The following WWP2 variants were observed in gnomAD, a reference collection of about 807,000 sequenced individuals.
WWP2 encodes NEDD4-like E3 ubiquitin-protein ligase WWP2.
Under a neutral mutation model 121.0 loss-of-function variants are expected in WWP2, and 57 were observed. The observed-to-expected ratio is 0.47, with a 90% CI of 0.38 to 0.59. The LOEUF (loss-of-function observed/expected upper bound fraction) is 0.59. WWP2 is among the 20% of genes least tolerant of loss of function. WWP2 has a pLI of 0.00. For missense variants in WWP2, 962 were observed against 1,158.9 expected (o/e 0.83, Z 2.47); for synonymous variants, 449 against 441.3 (o/e 1.02, Z -0.22).
At chr16:69,765,649 CCCCATCTCTA>C (rs1364987858) in intron 1 of WWP2, among the ~76,000 whole-genome samples, 2 of 152,264 alleles carry the variant, frequency 1.3e-5, no homozygotes, top group Non-Finnish European at 2.9e-5. Flanking sequence ...CATGGTGAAA[CCCCATCTCTA>C]CCCAAAATAC....
chr16:69,886,130 T>G (rs2057920083), intron 7 of WWP2, among the ~76,000 whole-genome samples: 1 of 152,204 alleles, frequency 6.6e-6, no homozygotes, highest in Non-Finnish European at 1.5e-5. Context: ...TCACCTAGGC[T>G]GGGTTGCAGT....
At chr16:69,921,401 C>T (rs1014413070) in intron 10 of WWP2, among the ~76,000 whole-genome samples, 2 of 152,226 alleles carry the variant, frequency 1.3e-5, no homozygotes, top group African/African-American at 4.8e-5. Flanking sequence ...CAACTGAGAC[C>T]TTGTTCTTCT....
intron 2 of WWP2, among the ~76,000 whole-genome samples, chr16:69,792,488 A>G (rs1353511604): frequency 6.6e-6 from 1 of 152,202 alleles, no homozygotes; most frequent in Non-Finnish European, 1.5e-5. Context: ...GACTTTCTAG[A>G]TAAACTTGCT....
In WWP2 at chr16:69,799,115, T is replaced by C; in HGVS notation, c.219-59T>C. Reference sequence around the variant, plus strand: ...TGTCAGCAGTTTAGTTTAAATGTTTTCTTCTAAGTTATAGGAATGATCTGC... The same window carrying C: ...TGTCAGCAGTTTAGTTTAAATGTTTCCTTCTAAGTTATAGGAATGATCTGC... On this transcript the variant is annotated intron_variant, in intron 3 of 23. Coordinates refer to ENST00000359154, the MANE Select transcript of WWP2 (RefSeq NM_001270454.2). The surrounding 1 kb of genome is among the most constrained non-coding windows in gnomAD (Gnocchi z 4.5). The C allele has an allele frequency of 5.1e-6, 8 of 1,557,568 alleles. No individual in the cohort carries two copies. Among genetic ancestry groups the C allele is most frequent in the Non-Finnish European group, 6.9e-6 (8 of 1,153,794 alleles).
Position 69,925,057 on chromosome 16 carries a change from G to C in WWP2, c.1180-373G>C, listed in dbSNP as rs1188474990. 4.9e-6 allele frequency: 5 copies of C among 1,015,584 alleles called. No individual in the cohort carries two copies. The African/African-American group carries it at 6.8e-5, about 14-fold the overall frequency. The allele number at this position is 1,015,584 out of a possible 1,614,324, so 62.9% of individuals were successfully genotyped here. Reference sequence around the variant, plus strand: ...TGATTTCAGTCGCCTTGGCCGCCTTGAGCCGGAGCTGAGCGGAGGCACTGG... The same window carrying C: ...TGATTTCAGTCGCCTTGGCCGCCTTCAGCCGGAGCTGAGCGGAGGCACTGG... On this transcript the variant is annotated intron_variant, in intron 10 of 23. Transcript: ENST00000359154. The surrounding 1 kb of genome is among the most constrained non-coding windows in gnomAD (Gnocchi z 4.0).
At chr16:69,901,745 G>A (rs1190579255) in intron 8 of WWP2, among the ~76,000 whole-genome samples, 1 of 152,160 alleles carries the variant, frequency 6.6e-6, no homozygotes, top group African/African-American at 2.4e-5. Flanking sequence ...TACCAAGACT[G>A]AAATTTTGAC....
chr16:69,805,507 C>T (rs2056256856), intron 4 of WWP2, among the ~76,000 whole-genome samples: 1 of 151,944 alleles, frequency 6.6e-6, no homozygotes, highest in South Asian at 2.1e-4. Flanking sequence ...TATTAGTAAC[C>T]TTTTTGCTTT....
chr16:69,809,453 T>C (rs1052689173), intron 4 of WWP2, among the ~76,000 whole-genome samples: 2 of 152,118 alleles, frequency 1.3e-5, no homozygotes, highest in Non-Finnish European at 2.9e-5. Flanking sequence ...GAGGGAATTC[T>C]AGGATGAGAC....
intron 1 of WWP2, among the ~76,000 whole-genome samples, chr16:69,764,795 A>G (rs2038693422): frequency 6.6e-6 from 1 of 152,254 alleles, no homozygotes; most frequent in African/African-American, 2.4e-5. Flanking sequence ...TTGAAGACTT[A>G]GCATGAAGAA....
At chr16:69,801,361 A>G (rs2056162797) in intron 4 of WWP2, among the ~76,000 whole-genome samples, 2 of 150,594 alleles carry the variant, frequency 1.3e-5, no homozygotes, top group Non-Finnish European at 3.0e-5. Context: ...CCCCACCCCT[A>G]GTAGCTGGGA....
chr16:69,858,275 A>G (rs2057355112), intron 6 of WWP2, among the ~76,000 whole-genome samples: 1 of 151,912 alleles, frequency 6.6e-6, no homozygotes, highest in Non-Finnish European at 1.5e-5. Context: ...TGAAGCTTTC[A>G]CTCAAACACC....
intron 10 of WWP2, among the ~76,000 whole-genome samples, chr16:69,918,867 G>A (rs1442477407): frequency 1.5e-5 from 2 of 129,096 alleles, no homozygotes; most frequent in South Asian, 2.4e-4. Flanking sequence ...TTTTTGAGAT[G>A]GAGTCTTGCT....
At chr16:69,804,952 T>C (rs1167707518) in intron 4 of WWP2, among the ~76,000 whole-genome samples, 2 of 152,184 alleles carry the variant, frequency 1.3e-5, no homozygotes, top group African/African-American at 4.8e-5. Flanking sequence ...TGTTGGTAAA[T>C]GGCTGTTTCT....
At chr16:69,821,598 C>T (rs2056593545) in intron 4 of WWP2, among the ~76,000 whole-genome samples, 1 of 152,198 alleles carries the variant, frequency 6.6e-6, no homozygotes, top group African/African-American at 2.4e-5. Flanking sequence ...TGATTCTGCT[C>T]CAAATGCTGA....
At chr16:69,857,876 T>C (rs2057347358) in intron 6 of WWP2, among the ~76,000 whole-genome samples, 1 of 151,878 alleles carries the variant, frequency 6.6e-6, no homozygotes, top group Admixed American at 6.6e-5. Flanking sequence ...TGTTGCCTAG[T>C]CTGGTCTTGG....
At chr16:69,817,233 A>G (rs1431183334) in intron 4 of WWP2, among the ~76,000 whole-genome samples, 1 of 152,114 alleles carries the variant, frequency 6.6e-6, no homozygotes, top group Admixed American at 6.6e-5. Context: ...TTTAATGGCT[A>G]CAGTAATGGG....
intron 6 of WWP2, among the ~76,000 whole-genome samples, chr16:69,843,285 G>A (rs575122291): frequency 2.1e-4 from 32 of 151,938 alleles, no homozygotes; most frequent in African/African-American, 7.5e-4. Context: ...CTTGTTATAC[G>A]TATTACAAAT....
rs915987525 is a variant in WWP2 at position 69,893,503 on chromosome 16, C to T, written c.914+5254C>T. ...TGAGCCTAATGCTGTCATTCACTGG[C>T]TTGACTGGCTTTGGGTTCAAATATG... On this transcript the variant is annotated intron_variant, in intron 8 of 23. Transcript: ENST00000359154. Among the ~76,000 whole-genome samples, 4 of 152,166 alleles carry T rather than the reference C, an allele frequency of 2.6e-5. No homozygotes were observed. The East Asian group carries it at 7.7e-4, about 29-fold the overall frequency.
chr16:69,785,930 C>T lies in WWP2; in HGVS notation c.-15-1066C>T, dbSNP rs527681448. 5 of 151,398 alleles carry T rather than the reference C, an allele frequency of 3.3e-5. No individual in the cohort carries two copies. In the South Asian group the frequency reaches 6.3e-4, roughly 19 times the overall value. The allele number at this position is 151,398 out of a possible 1,614,324, so 9.4% of individuals were successfully genotyped here. On this transcript the variant is annotated intron_variant, in intron 1 of 23. Transcript: ENST00000359154. ...ACCATGAGCCACTGCACCCAGCCTA[C>T]CCATTTAAATAATTGTATTAGTTGT... is the stretch of plus-strand genomic sequence containing the variant.
Sources: gnomAD v4.1 joint callset for allele counts (sites outside exome capture counted in the v4.1 genomes callset) on GRCh38, gnomAD v4.1.1 for gene constraint, Gnocchi (gnomAD v3.1) non-coding constraint, MANE v1.5 for transcripts, NCBI Gene and HGNC (gene_info 2026-07-23, HGNC 2026-07-21) for gene names.